PHEX: variants seen among roughly 807,000 people sequenced by gnomAD.
PHEX encodes phosphate-regulating neutral endopeptidase PHEX.
A neutral mutation model predicts 68.0 loss-of-function variants in PHEX; 16 were observed. The observed-to-expected ratio is 0.24, with a 90% CI of 0.16 to 0.36. PHEX has a LOEUF of 0.36. Among genes scored for constraint, PHEX ranks in the 10% least tolerant of loss-of-function variants. The pLI is 1.00. For missense variants in PHEX, 480 were observed against 575.5 expected (o/e 0.83, Z 1.70); for synonymous variants, 208 against 205.1 (o/e 1.01, Z -0.12).
chrX:22,140,522 C>T (rs1213759980), intron 12 of PHEX, among the ~76,000 whole-genome samples: 2 of 110,966 alleles, frequency 1.8e-5, no homozygotes, highest in Non-Finnish European at 1.9e-5. Context: ...TGCTCTGTGG[C>T]CCAGACTAGA....
intron 6 of PHEX, among the ~76,000 whole-genome samples, chrX:22,091,976 C>A (rs139659434): frequency 9.0e-5 from 10 of 111,546 alleles, no homozygotes; most frequent in Non-Finnish European, 1.5e-4. Context: ...GGAAACCACC[C>A]CCATGATTCA....
At chrX:22,159,471 C>T (rs1451453391) in intron 12 of PHEX, among the ~76,000 whole-genome samples, 1 of 110,911 alleles carries the variant, frequency 9.0e-6, no homozygotes, top group African/African-American at 3.3e-5. Flanking sequence ...CGTAGTGAGA[C>T]CTCGTTCTCC....
At position 22,240,897 on chromosome X, in the gene PHEX, A is replaced by G. The variant is rs748673819; in HGVS notation, c.2071-4436A>G. ...AATTAACAAGGATATCCAGGGCTTGAACTCAGCTCTGGACCAAGTGGACCT... is the reference window on the plus strand; with the variant it reads ...AATTAACAAGGATATCCAGGGCTTGGACTCAGCTCTGGACCAAGTGGACCT... On this transcript the variant is annotated intron_variant, in intron 20 of 21. Coordinates refer to ENST00000379374, the MANE Select transcript of PHEX (RefSeq NM_000444.6). Among the ~76,000 whole-genome samples, 4 of 111,940 alleles carry G rather than the reference A, an allele frequency of 3.6e-5. No homozygotes were observed. In the South Asian group the frequency reaches 1.5e-3, roughly 42 times the overall value.
At chrX:22,090,336 T>C in intron 5 of PHEX, 93 bp from the exon 6 acceptor site, 1 of 691,638 alleles carries the variant, frequency 1.4e-6, no homozygotes, top group Non-Finnish European at 2.3e-6. Context: ...GCTCAAAATA[T>C]GGCTGGGATG....
At position 22,151,839 on chromosome X, in the gene PHEX, T is replaced by C. The variant is rs1172839919; in HGVS notation, c.1405-16473T>C. On this transcript the variant is annotated intron_variant, in intron 12 of 21. Transcript: ENST00000379374. ...GTCTTCCGGGGGCTCTCAGTCAAAG[T>C]TTAGTCCCACCGATGTCCAGAACAG... 2.7e-5 allele frequency among the ~76,000 whole-genome samples: 3 copies of C among 111,430 alleles called. No individual in the cohort carries two copies. The Admixed American group carries it at 2.9e-4, about 11-fold the overall frequency.
At chrX:22,045,398 G>T (rs747027911) in intron 2 of PHEX, among the ~76,000 whole-genome samples, 5 of 110,490 alleles carry the variant, frequency 4.5e-5, no homozygotes, top group Non-Finnish European at 9.4e-5. Context: ...ATATTGTCTG[G>T]TTTTTTAAAA....
At chrX:22,161,314 T>C (rs897065977) in intron 12 of PHEX, among the ~76,000 whole-genome samples, 14 of 112,219 alleles carry the variant, frequency 1.2e-4, no homozygotes, top group African/African-American at 4.2e-4. Flanking sequence ...TGATCCCAGC[T>C]ACTTGGTAGG....
chrX:22,042,639 G>A (rs1287791344), intron 2 of PHEX, among the ~76,000 whole-genome samples: 1 of 111,272 alleles, frequency 9.0e-6, no homozygotes, highest in Non-Finnish European at 1.9e-5. Flanking sequence ...ACAAAAATTA[G>A]CCAGGCGTGG....
intron 15 of PHEX, among the ~76,000 whole-genome samples, chrX:22,198,116 TTATACATATAATATATTATATAA>T (rs1934426742): frequency 9.9e-6 from 1 of 100,677 alleles, no homozygotes; most frequent in African/African-American, 3.9e-5. Context: ...ATATTATAAA[TTATACATATAATATATTATATAA>T]TATTTATATA....
intron 15 of PHEX, among the ~76,000 whole-genome samples, chrX:22,206,477 G>T (rs898680408): frequency 2.7e-5 from 3 of 111,787 alleles, no homozygotes; most frequent in African/African-American, 9.8e-5. Flanking sequence ...TTGCATTCTA[G>T]TTGGGGAAAG....
intron 20 of PHEX, among the ~76,000 whole-genome samples, chrX:22,238,938 C>A (rs1420910138): frequency 1.8e-5 from 2 of 111,655 alleles, no homozygotes; most frequent in East Asian, 2.8e-4. Flanking sequence ...CTGGGAGATA[C>A]CTCCCAGTAA....
chrX:22,241,390 T>A (rs1389085651), intron 20 of PHEX, among the ~76,000 whole-genome samples: 1 of 111,161 alleles, frequency 9.0e-6, no homozygotes, highest in African/African-American at 3.3e-5. Context: ...AGCAAACAAA[T>A]TCAAAAGCCA....
intron 9 of PHEX, among the ~76,000 whole-genome samples, chrX:22,105,140 C>T (rs1233279625): frequency 8.9e-6 from 1 of 111,965 alleles, no homozygotes; most frequent in Non-Finnish European, 1.9e-5. Context: ...GCAGCAGAGA[C>T]ATTACTGGGG....
chrX:22,194,905 T>TC (rs1934314278), intron 15 of PHEX, among the ~76,000 whole-genome samples: 1 of 112,542 alleles, frequency 8.9e-6, no homozygotes, highest in Non-Finnish European at 1.9e-5. Flanking sequence ...TAAAATTTAA[T>TC]TATATTTGAA....
chrX:22,123,329 G>T (rs1311708772), intron 11 of PHEX, among the ~76,000 whole-genome samples: 1 of 110,732 alleles, frequency 9.0e-6, no homozygotes, highest in Non-Finnish European at 1.9e-5. Flanking sequence ...ACAGTAAGGG[G>T]TGTGGATAAA....
intron 11 of PHEX, 56 bp downstream of exon 11, chrX:22,114,642 A>G: frequency 9.3e-7 from 1 of 1,075,901 alleles, no homozygotes; most frequent in Non-Finnish European, 1.3e-6. Context: ...AGATCTGACA[A>G]GGGTATATTC....
At chrX:22,216,767 G>A (rs1033739192) in intron 16 of PHEX, among the ~76,000 whole-genome samples, 9 of 110,354 alleles carry the variant, frequency 8.2e-5, no homozygotes, top group Non-Finnish European at 1.7e-4. Context: ...TAATCCACCC[G>A]CCTCGGCCTC....
At chrX:22,210,309 G>C (rs1338799285) in intron 15 of PHEX, among the ~76,000 whole-genome samples, 2 of 112,176 alleles carry the variant, frequency 1.8e-5, no homozygotes, top group Non-Finnish European at 3.8e-5. Flanking sequence ...CAACTCTTGA[G>C]TCTGGGGCTT....
At chrX:22,033,936 G>C (rs1182939867) in intron 1 of PHEX, among the ~76,000 whole-genome samples, 3 of 112,094 alleles carry the variant, frequency 2.7e-5, no homozygotes, top group Non-Finnish European at 5.6e-5. Context: ...GGAACGAGGA[G>C]ATTCTAGGTG....
Sources: gnomAD v4.1 joint callset for allele counts (sites outside exome capture counted in the v4.1 genomes callset) on GRCh38, gnomAD v4.1.1 for gene constraint, MANE v1.5 for transcripts, NCBI Gene and HGNC (gene_info 2026-07-23, HGNC 2026-07-21) for gene names.